Variants in NRXN3 observed in about 807,000 individuals in gnomAD.
NRXN3 encodes the protein neurexin III.
NRXN3 carries 32 observed loss-of-function variants against 137.6 expected under a neutral mutation model. The observed-to-expected ratio is 0.23, with a 90% CI of 0.18 to 0.31. The LOEUF (loss-of-function observed/expected upper bound fraction) is 0.31, where lower values mean the gene tolerates loss of function less well. Among genes scored for constraint, NRXN3 ranks in the 10% least tolerant of loss-of-function variants. The pLI is 1.00. For synonymous variants in NRXN3, 798 were observed against 784.5 expected (o/e 1.02, Z -0.29); for missense variants, 1,574 against 2,062.5 (o/e 0.76, Z 4.59).
intron 16 of NRXN3, among the ~76,000 whole-genome samples, chr14:79,620,743 T>G (rs2098214784): frequency 6.6e-6 from 1 of 152,050 alleles, no homozygotes; most frequent in African/African-American, 2.4e-5. Flanking sequence ...CATAGATACT[T>G]TGGAGGCAGT....
intron 15 of NRXN3, among the ~76,000 whole-genome samples, chr14:79,358,342 G>A (rs1391376597): frequency 6.6e-6 from 1 of 151,884 alleles, no homozygotes; most frequent in Non-Finnish European, 1.5e-5. Context: ...AGGCAGAGGC[G>A]AGCCGATCAC....
intron 15 of NRXN3, among the ~76,000 whole-genome samples, chr14:79,177,391 A>G (rs1324735703): frequency 1.6e-4 from 24 of 152,224 alleles, no homozygotes; most frequent in Non-Finnish European, 2.2e-4. Context: ...AAAATGTGCC[A>G]TCAGAACTTT....
intron 16 of NRXN3, among the ~76,000 whole-genome samples, chr14:79,495,520 G>A (rs1209041695): frequency 2.6e-5 from 4 of 151,996 alleles, no homozygotes. Flanking sequence ...CATTACCCCT[G>A]TTAAAGTATG....
At chr14:79,256,162 CTCTCTCTCTG>C (rs1310875036) in intron 15 of NRXN3, among the ~76,000 whole-genome samples, 5 of 150,666 alleles carry the variant, frequency 3.3e-5, no homozygotes, top group Non-Finnish European at 5.9e-5. Flanking sequence ...GTCTCTCTGT[CTCTCTCTCTG>C]TCTCTCTCTC....
intron 4 of NRXN3, among the ~76,000 whole-genome samples, chr14:78,435,008 T>A (rs141671136): frequency 5.3e-5 from 8 of 152,338 alleles, no homozygotes; most frequent in African/African-American, 1.7e-4. Flanking sequence ...GTTGTCCACA[T>A]GCCCCTTCTA....
intron 15 of NRXN3, among the ~76,000 whole-genome samples, chr14:79,026,800 C>T (rs2099598668): frequency 6.6e-6 from 1 of 151,792 alleles, no homozygotes. Flanking sequence ...CCTCAAATCA[C>T]ACACAGGAAC....
chr14:79,118,882 T>A (rs2054930497), intron 15 of NRXN3, among the ~76,000 whole-genome samples: 1 of 152,164 alleles, frequency 6.6e-6, no homozygotes, highest in Admixed American at 6.5e-5. Flanking sequence ...GTCAACTTTT[T>A]AAAAAAATGC....
chr14:79,342,640 G>A (rs942086714), intron 15 of NRXN3, among the ~76,000 whole-genome samples: 6 of 152,114 alleles, frequency 3.9e-5, no homozygotes, highest in African/African-American at 1.4e-4. Context: ...ACCCTTTGGA[G>A]TTCTGTCCTA....
At chr14:78,852,754 C>T (rs187650957) in intron 10 of NRXN3, among the ~76,000 whole-genome samples, 1 of 152,108 alleles carries the variant, frequency 6.6e-6, no homozygotes, top group Admixed American at 6.5e-5. Context: ...TGAATCTTTC[C>T]AAATCTGAGC....
intron 20 of NRXN3, among the ~76,000 whole-genome samples, chr14:79,851,196 T>C (rs2099390644): frequency 6.6e-6 from 1 of 152,194 alleles, no homozygotes; most frequent in Non-Finnish European, 1.5e-5. Context: ...ACCGGTTATG[T>C]TTCCTACTTT....
intron 4 of NRXN3, among the ~76,000 whole-genome samples, chr14:78,549,163 G>A (rs962515332): frequency 1.3e-5 from 2 of 152,140 alleles, no homozygotes; most frequent in Non-Finnish European, 2.9e-5. Context: ...ATTTAGAGAA[G>A]CCAGGTCCAA....
At position 79,345,535 on chromosome 14, in the gene NRXN3, A is replaced by C. The variant is rs139337376; in HGVS notation, c.3263-121686A>C. On this transcript the variant is annotated intron_variant, in intron 15 of 20. Coordinates refer to ENST00000335750, the MANE Select transcript of NRXN3 (RefSeq NM_001330195.2). ...CTTAGCAGGATGATATAGTTTGGGT[A>C]CTTGTCCTCTCCAAATCTCATGTTG... is the stretch of plus-strand genomic sequence containing the variant. Among the ~76,000 whole-genome samples the C allele has an allele frequency of 2.4e-3, 358 of 152,276 alleles. 3 individuals are homozygous for C. The highest frequency in any genetic ancestry group is 8.3e-3 in the African/African-American group (343 of 41,540).
chr14:79,386,319 C>G (rs986392572), intron 15 of NRXN3, among the ~76,000 whole-genome samples: 1 of 152,100 alleles, frequency 6.6e-6, no homozygotes, highest in African/African-American at 2.4e-5. Context: ...AACAGACAAA[C>G]AGAGAGCCAA....
intron 15 of NRXN3, among the ~76,000 whole-genome samples, chr14:78,999,237 A>G (rs747437183): frequency 3.7e-4 from 56 of 152,154 alleles, no homozygotes; most frequent in Non-Finnish European, 7.2e-4. Flanking sequence ...GGAACCTTGC[A>G]TTATTGGTAC....
chr14:79,040,328 A>T (rs2099623087), intron 15 of NRXN3, among the ~76,000 whole-genome samples: 1 of 152,226 alleles, frequency 6.6e-6, no homozygotes, highest in South Asian at 2.1e-4. Flanking sequence ...AGTGACAGAA[A>T]TGTAAACAAA....
At chr14:79,749,084 T>C (rs890789497) in intron 19 of NRXN3, among the ~76,000 whole-genome samples, 2 of 152,066 alleles carry the variant, frequency 1.3e-5, no homozygotes, top group African/African-American at 2.4e-5. Flanking sequence ...CTTGATCTAA[T>C]TGAGCTGTTT....
intron 4 of NRXN3, among the ~76,000 whole-genome samples, chr14:78,401,310 A>G (rs1008153128): frequency 6.6e-6 from 1 of 151,988 alleles, no homozygotes; most frequent in South Asian, 2.1e-4. Context: ...AATTACAGGC[A>G]CCCGCCACCA....
intron 15 of NRXN3, among the ~76,000 whole-genome samples, chr14:79,122,951 A>G (rs1356106657): frequency 2.0e-5 from 3 of 152,198 alleles, no homozygotes; most frequent in Admixed American, 2.0e-4. Flanking sequence ...TTTGGAGGCC[A>G]AAGGTGACTC....
intron 16 of NRXN3, among the ~76,000 whole-genome samples, chr14:79,649,686 G>A (rs913619002): frequency 6.6e-6 from 1 of 152,138 alleles, no homozygotes; most frequent in African/African-American, 2.4e-5. Flanking sequence ...GATAGTGTAA[G>A]GAATTTTTAG....
Sources: allele counts gnomAD v4.1 joint callset (sites outside exome capture counted in the v4.1 genomes callset), GRCh38; gene constraint gnomAD v4.1.1; transcripts MANE v1.5; gene names NCBI Gene and HGNC (gene_info 2026-07-23, HGNC 2026-07-21).